The following CEP192 variants were observed in gnomAD, a reference collection of about 807,000 sequenced individuals.
CEP192 encodes the protein centrosomal protein 192, also known as centrosomal protein of 192 kDa.
A neutral mutation model predicts 271.8 loss-of-function variants in CEP192; 151 were observed. The observed-to-expected ratio is 0.56, with a 90% confidence interval of 0.49 to 0.64. The LOEUF (loss-of-function observed/expected upper bound fraction) is 0.64, where lower values mean the gene tolerates loss of function less well. Among genes scored for constraint, CEP192 ranks in the 30% least tolerant of loss-of-function variants. The probability of loss-of-function intolerance (pLI) is 0.00; values close to 1 mark genes in which losing one functional copy is unlikely to be tolerated. For missense variants in CEP192, 2,910 were observed against 3,020.5 expected (o/e 0.96, Z 0.86); for synonymous variants, 995 against 1,076.5 (o/e 0.92, Z 1.48).
chr18:13,093,366 C>T (rs67258461), intron 34 of CEP192, among the ~76,000 whole-genome samples: 15,891 of 152,182 alleles, frequency 0.1, 987 homozygotes, highest in East Asian at 0.27. Flanking sequence ...CTCTCTGGTC[C>T]GGAGTGTAAT....
chr18:13,080,929 A>G (rs1598540453), intron 30 of CEP192, among the ~76,000 whole-genome samples: 2 of 152,044 alleles, frequency 1.3e-5, no homozygotes, highest in African/African-American at 4.8e-5. Flanking sequence ...TGTTTATGTG[A>G]TGGATTACAT....
At chr18:13,008,731 C>G in intron 4 of CEP192, 100 bp downstream of exon 4, 2 of 919,266 alleles carry the variant, frequency 2.2e-6, no homozygotes, top group Non-Finnish European at 3.2e-6. Context: ...GAGGCAGGGT[C>G]GCACTCCTGT....
chr18:13,098,176 G>A (rs1457268761), intron 36 of CEP192, among the ~76,000 whole-genome samples: 2 of 152,238 alleles, frequency 1.3e-5, no homozygotes, highest in African/African-American at 4.8e-5. Flanking sequence ...TCCCAGACGG[G>A]GTGGTGGCCA....
chr18:13,022,506 A>C (rs1290601660), intron 9 of CEP192, among the ~76,000 whole-genome samples: 4 of 152,058 alleles, frequency 2.6e-5, no homozygotes, highest in African/African-American at 7.2e-5. Context: ...TCAGCCTGCC[A>C]GGTAGCTGGG....
intron 13 of CEP192, among the ~76,000 whole-genome samples, chr18:13,039,920 A>T (rs1209248824): frequency 6.6e-6 from 1 of 152,178 alleles, no homozygotes; most frequent in African/African-American, 2.4e-5. Flanking sequence ...AAAGGGCAAG[A>T]ATTCAAGATT....
rs1390136385 is a variant in CEP192 at position 13,030,479 on chromosome 18, CAGA to C, written c.1406_1408del (p.Gln469_Ser470delinsArg). The C allele has an allele frequency of 6.2e-7, 1 of 1,604,576 alleles. No individual in the cohort carries two copies. The highest frequency in any genetic ancestry group is 8.5e-7 in the Non-Finnish European group (1 of 1,174,730). On this transcript the variant is annotated inframe_deletion, in exon 11 of 45. Coordinates refer to ENST00000506447, the MANE Select transcript of CEP192 (RefSeq NM_032142.4). ...TTATTTTTTAGAAACAGATCTCCCA[CAGA>C]GTGTGGTCTATCAAAATGAAGAGGG...
At chr18:13,042,365 G>T (rs1181299193) in intron 15 of CEP192, 31 bp downstream of exon 15, 1 of 1,610,916 alleles carries the variant, frequency 6.2e-7, no homozygotes, top group Non-Finnish European at 8.5e-7. Context: ...GGAAATCTAA[G>T]ATTATCTTGT....
Position 13,039,373 on chromosome 18 carries a change from C to T in CEP192, c.1809+794C>T, listed in dbSNP as rs533719096. The stretch of plus-strand genomic sequence containing the variant: ...GGGAGGCTGAAGTAGGAGAATTGCT[C>T]GAACCCAGGAGGTGGAGAGTTGCAG... On this transcript the variant is annotated intron_variant, in intron 13 of 44. Coordinates refer to ENST00000506447, the MANE Select transcript of CEP192 (RefSeq NM_032142.4). Among the ~76,000 whole-genome samples, 12 of 151,192 alleles carry T rather than the reference C, an allele frequency of 7.9e-5. No individual in the cohort carries two copies. The East Asian group carries it at 1.2e-3, about 15-fold the overall frequency.
intron 15 of CEP192, 116 bp downstream of exon 15, chr18:13,042,450 C>T: frequency 9.4e-7 from 1 of 1,065,970 alleles, no homozygotes; most frequent in East Asian, 2.5e-5. Context: ...TCTTTCCTGG[C>T]TTCAGATTTC....
chr18:13,065,352 G>T (rs115003972), intron 21 of CEP192, among the ~76,000 whole-genome samples: 1 of 151,990 alleles, frequency 6.6e-6, no homozygotes, highest in Non-Finnish European at 1.5e-5. Flanking sequence ...GTCATTAATC[G>T]CTTCCATTAT....
intron 4 of CEP192, among the ~76,000 whole-genome samples, chr18:13,011,824 G>T (rs370550445): frequency 6.6e-6 from 1 of 152,174 alleles, no homozygotes; most frequent in Non-Finnish European, 1.5e-5. Context: ...CACTGTGTCC[G>T]ACCTCACAGA....
chr18:13,012,364 A>C (rs78623966), intron 4 of CEP192, among the ~76,000 whole-genome samples: 7 of 152,150 alleles, frequency 4.6e-5, no homozygotes, highest in Non-Finnish European at 1.0e-4. Context: ...TACTTGCATC[A>C]TCTCTCCTTT....
chr18:13,078,821 G>A (rs968371689), intron 30 of CEP192, among the ~76,000 whole-genome samples: 10 of 152,062 alleles, frequency 6.6e-5, no homozygotes, highest in Admixed American at 5.2e-4. Flanking sequence ...TGTGTGTGAT[G>A]TTTCCCACCC....
Position 13,038,478 on chromosome 18 carries a change from G to C in CEP192, c.1708G>C (p.Asp570His). The C allele has an allele frequency of 6.4e-6, 10 of 1,551,432 alleles. No homozygotes were observed. The highest frequency in any genetic ancestry group is 7.8e-6 in the Non-Finnish European group (9 of 1,146,762). ...GAAATCACGTAGCACATCAGATTTGGATAAAGATGATGCCAGTTATTTACG... is the reference window on the plus strand; with the variant it reads ...GAAATCACGTAGCACATCAGATTTGCATAAAGATGATGCCAGTTATTTACG... ...LRKSRSTSDLDKDDASYLRLS... is the reference protein window; with the variant it reads ...LRKSRSTSDLHKDDASYLRLS... Residue 570 changes from aspartate to histidine, a missense_variant, in exon 13 of 45, where the codon GAT becomes CAT. Asp to His is a moderately conservative substitution (Grantham distance 81). Coordinates refer to ENST00000506447, the MANE Select transcript of CEP192 (RefSeq NM_032142.4).
intron 40 of CEP192, among the ~76,000 whole-genome samples, chr18:13,109,566 A>G (rs961209825): frequency 3.9e-5 from 6 of 152,190 alleles, no homozygotes; most frequent in African/African-American, 1.4e-4. Flanking sequence ...AACAACAATA[A>G]GCCCATTTTC....
chr18:13,000,091 C>CTTTTTTTTTTT (rs775544715), intron 2 of CEP192, among the ~76,000 whole-genome samples: 5 of 76,752 alleles, frequency 6.5e-5, no homozygotes, highest in Non-Finnish European at 1.4e-4. Flanking sequence ...TGTCTTCTCT[C>CTTTTTTTTTTT]TTTTTTTTTT....
intron 4 of CEP192, 100 bp downstream of exon 4, chr18:13,008,731 C>T (rs2034139059): frequency 9.8e-6 from 9 of 919,228 alleles, no homozygotes; most frequent in Non-Finnish European, 1.3e-5. Flanking sequence ...GAGGCAGGGT[C>T]GCACTCCTGT....
intron 17 of CEP192, among the ~76,000 whole-genome samples, chr18:13,052,619 A>G (rs2036856781): frequency 6.6e-6 from 1 of 151,930 alleles, no homozygotes; most frequent in African/African-American, 2.4e-5. Flanking sequence ...TCTTCTGTTC[A>G]TTTCTCTATA....
rs1409364767 is a variant in CEP192 at position 13,087,139 on chromosome 18, T to C, written c.5739T>C (p.Phe1913=). ...CTGGCAAAGAAAGTAAAATTGTTTT[T>C]TCTGTCCGCAACACTGGCTCCCGAG... ...LVPGKESKIV[F]SVRNTGSRAA... The change falls in exon 31 of 45, where the codon TTT becomes TTC. Residue 1913 remains phenylalanine, a synonymous_variant. Coordinates refer to ENST00000506447, the MANE Select transcript of CEP192 (RefSeq NM_032142.4). 1 of 1,614,156 alleles carries C rather than the reference T, an allele frequency of 6.2e-7. No individual in the cohort carries two copies. The highest frequency in any genetic ancestry group is 1.7e-5 in the Admixed American group (1 of 60,024).
Sources: allele counts gnomAD v4.1 joint callset (sites outside exome capture counted in the v4.1 genomes callset), GRCh38; gene constraint gnomAD v4.1.1; transcripts MANE v1.5; gene names NCBI Gene and HGNC (gene_info 2026-07-23, HGNC 2026-07-21).